SBSPON: variants seen among roughly 807,000 people sequenced by gnomAD.
SBSPON encodes the protein somatomedin-B and thrombospondin type-1 domain-containing protein.
Under a neutral mutation model 35.8 loss-of-function variants are expected in SBSPON, and 30 were observed. The ratio of observed to expected loss-of-function variants is 0.84; its 90% CI spans 0.63 to 1.14. SBSPON has a LOEUF of 1.14. Among genes scored for constraint, SBSPON ranks in the 50% most tolerant of loss-of-function variants. The pLI, the probability that SBSPON is intolerant of heterozygous loss-of-function variation, is 0.00. For synonymous variants in SBSPON, 136 were observed against 135.9 expected (o/e 1.00, Z 0.00); for missense variants, 364 against 357.7 (o/e 1.02, Z -0.14).
chr8:73,087,245 C>T (rs1484505401), intron 1 of SBSPON, among the ~76,000 whole-genome samples: 6 of 152,276 alleles, frequency 3.9e-5, no homozygotes, highest in Non-Finnish European at 5.9e-5. Flanking sequence ...GTTCAAATCT[C>T]GCTACACCAG....
rs1008102079 is a variant in SBSPON, at chr8:73,064,571, A to G, written c.*2770T>C. Reference sequence around the variant, plus strand: ...GAGGGCAGGAACCAGTTTTATTAACATCAATTTTGTGCACATCTAGAAAAG... The same window carrying G: ...GAGGGCAGGAACCAGTTTTATTAACGTCAATTTTGTGCACATCTAGAAAAG... On this transcript the variant is annotated 3_prime_UTR_variant, in exon 5 of 5. Transcript: ENST00000297354. The G allele has an allele frequency of 9.9e-5, 15 of 152,204 alleles. No homozygotes were observed. The highest frequency in any genetic ancestry group is 3.6e-4 in the African/African-American group (15 of 41,460). The allele number at this position is 152,204 out of a possible 1,614,324, so 9.4% of individuals were successfully genotyped here.
At chr8:73,078,794 C>A (rs1810642641) in intron 2 of SBSPON, among the ~76,000 whole-genome samples, 1 of 152,074 alleles carries the variant, frequency 6.6e-6, no homozygotes, top group Non-Finnish European at 1.5e-5. Context: ...TCCCTGTGAC[C>A]TTAATATGAC....
At chr8:73,079,860 C>T (rs1274512667) in intron 2 of SBSPON, among the ~76,000 whole-genome samples, 2 of 152,122 alleles carry the variant, frequency 1.3e-5, no homozygotes, top group Non-Finnish European at 2.9e-5. Flanking sequence ...CATCGTGACC[C>T]CAGCGCCAGC....
At chr8:73,083,391 C>T (rs528914818) in intron 1 of SBSPON, among the ~76,000 whole-genome samples, 11 of 152,254 alleles carry the variant, frequency 7.2e-5, no homozygotes, top group Admixed American at 2.6e-4. Flanking sequence ...AAATATTTTG[C>T]GTCGGAAGAT....
At chr8:73,084,285 A>G (rs1268210356) in intron 1 of SBSPON, among the ~76,000 whole-genome samples, 3 of 152,264 alleles carry the variant, frequency 2.0e-5, no homozygotes, top group Admixed American at 1.3e-4. Context: ...TCAGTAATGA[A>G]TCACACACAA....
At chr8:73,068,060 A>G (rs981464590) in intron 4 of SBSPON, among the ~76,000 whole-genome samples, 5 of 152,184 alleles carry the variant, frequency 3.3e-5, no homozygotes, top group African/African-American at 1.2e-4. Context: ...TCTGAACTAA[A>G]TGATCTCTTT....
chr8:73,071,832 T>G lies in SBSPON; in HGVS notation c.448A>C (p.Arg150=). Reference sequence around the variant, plus strand: ...TGTGGAGACGTAGCTTGTCGTGTTCTCTCCTTGTTGAATGCAGAGGTAGTT... The same window carrying G: ...TGTGGAGACGTAGCTTGTCGTGTTCGCTCCTTGTTGAATGCAGAGGTAGTT... ...FITTSAFNKE[R]TRQATSPHWS... Residue 150 remains arginine, a synonymous_variant, in exon 3 of 5, where the codon AGA becomes CGA. Transcript: ENST00000297354. The G allele has an allele frequency of 6.2e-7, 1 of 1,612,120 alleles. No individual in the cohort carries two copies.
chr8:73,089,017 T>C (rs1271124757), intron 1 of SBSPON, among the ~76,000 whole-genome samples: 1 of 152,212 alleles, frequency 6.6e-6, no homozygotes, highest in Non-Finnish European at 1.5e-5. Context: ...AGAAAGGGAA[T>C]ACAGTCTATG....
rs778042883 is a variant in SBSPON at position 73,081,100 on chromosome 8, C to A, written c.328G>T (p.Ala110Ser). 25 of 1,613,142 alleles carry A rather than the reference C, an allele frequency of 1.5e-5. No individual in the cohort carries two copies. The highest frequency in any genetic ancestry group is 2.0e-5 in the Non-Finnish European group (24 of 1,179,632). ...SVQQEPQNGG[A>S]PCPPLEERAG... Reference sequence around the variant, plus strand: ...CTCTCTTCCAGGGGTGGGCAGGGCGCCCCGCCGTTCTGAGGCTCCTGCTGC... The same window carrying A: ...CTCTCTTCCAGGGGTGGGCAGGGCGACCCGCCGTTCTGAGGCTCCTGCTGC... Residue 110 changes from alanine to serine, a missense_variant, in exon 2 of 5, where the codon GCG becomes TCG. Ala to Ser is a moderately conservative substitution (Grantham distance 99). Transcript: ENST00000297354.
chr8:73,087,246 G>A (rs9298215), intron 1 of SBSPON, among the ~76,000 whole-genome samples: 100,366 of 151,966 alleles, frequency 0.66, 33,251 homozygotes, highest in East Asian at 0.75. Context: ...TTCAAATCTC[G>A]CTACACCAGT....
chr8:73,070,115 T>TA (rs1260104402), intron 3 of SBSPON, 134 bp from the exon 4 acceptor site: 2 of 543,214 alleles, frequency 3.7e-6, no homozygotes, highest in Non-Finnish European at 3.2e-6. Flanking sequence ...CTTCACAAGT[T>TA]ACGTGTCAAT....
rs969286243 is a variant in SBSPON, at chr8:73,064,717, C to T, written c.*2624G>A. 2 of 122,798 alleles carry T rather than the reference C, an allele frequency of 1.6e-5. No homozygotes were observed. The highest frequency in any genetic ancestry group is 2.8e-5 in the African/African-American group (1 of 35,648). The allele number at this position is 122,798 out of a possible 1,614,324, so 7.6% of individuals were successfully genotyped here. A position where few individuals can be genotyped will look rare whatever the true frequency, so the allele number is the denominator to read the frequency against. Reference sequence around the variant, plus strand: ...CCAAAGCAAAACTCCAAAAAGAATACTGTGATTATAGTTACCTTATTCCTT... The same window carrying T: ...CCAAAGCAAAACTCCAAAAAGAATATTGTGATTATAGTTACCTTATTCCTT... On this transcript the variant is annotated 3_prime_UTR_variant, in exon 5 of 5. Transcript: ENST00000297354.
chr8:73,072,983 C>T (rs1041431181), intron 2 of SBSPON, among the ~76,000 whole-genome samples: 1 of 152,172 alleles, frequency 6.6e-6, no homozygotes, highest in Non-Finnish European at 1.5e-5. Context: ...TTGTGTGTCT[C>T]CTCTCTACCT....
chr8:73,076,624 G>C (rs187173660), intron 2 of SBSPON, among the ~76,000 whole-genome samples: 106 of 151,752 alleles, frequency 7.0e-4, no homozygotes, highest in African/African-American at 2.5e-3. Flanking sequence ...TCCAGCCTGG[G>C]CAACAGGGCA....
At chr8:73,082,659 C>T (rs1563490209) in intron 1 of SBSPON, among the ~76,000 whole-genome samples, 4 of 152,194 alleles carry the variant, frequency 2.6e-5, no homozygotes, top group Admixed American at 6.5e-5. Flanking sequence ...GCCATGTATA[C>T]ATCTTTTGGA....
chr8:73,071,793 T>C lies in SBSPON; in HGVS notation c.487A>G (p.Thr163Ala), dbSNP rs770654215. 2.5e-6 allele frequency: 4 copies of C among 1,598,510 alleles called. No individual in the cohort carries two copies. In the East Asian group the frequency reaches 8.9e-5, roughly 36 times the overall value. The change falls in exon 3 of 5, where the codon ACA (threonine) becomes GCA (alanine). Residue 163 changes from threonine (T) to alanine (A), a missense_variant. Physicochemically the swap from Thr to Ala is moderately conservative, Grantham distance 58. Transcript: ENST00000297354. ...QATSPHWSTHTEDAGYCMEFK... is the reference protein window; with the variant it reads ...QATSPHWSTHAEDAGYCMEFK... ...ACACGAAATTACCCAGCATCCTCTG[T>C]GTGTGTAGACCAGTGTGGAGACGTA...
intron 2 of SBSPON, among the ~76,000 whole-genome samples, chr8:73,077,337 A>G (rs1392892383): frequency 2.0e-5 from 3 of 152,250 alleles, no homozygotes; most frequent in African/African-American, 7.2e-5. Context: ...CTGCTATGCA[A>G]ACATGAGGGA....
intron 2 of SBSPON, among the ~76,000 whole-genome samples, chr8:73,076,994 C>A (rs988617860): frequency 7.9e-5 from 12 of 152,162 alleles, no homozygotes; most frequent in African/African-American, 2.9e-4. Context: ...GCAACCTCCA[C>A]CTCCCAGGTT....
chr8:73,088,438 G>A (rs1315645721), intron 1 of SBSPON, among the ~76,000 whole-genome samples: 1 of 152,192 alleles, frequency 6.6e-6, no homozygotes, highest in African/African-American at 2.4e-5. Context: ...ATCCCAGCAT[G>A]TTGGGAGGCC....
Sources: gnomAD v4.1 joint callset for allele counts (sites outside exome capture counted in the v4.1 genomes callset) on GRCh38, gnomAD v4.1.1 for gene constraint, MANE v1.5 for transcripts, NCBI Gene and HGNC (gene_info 2026-07-23, HGNC 2026-07-21) for gene names.